RERE: variants seen among roughly 807,000 people sequenced by gnomAD.
RERE encodes the protein arginine-glutamic acid dipeptide repeats protein.
In RERE, 40 loss-of-function variants were observed where a neutral mutation model predicts 146.1. That is an observed-to-expected ratio of 0.27 (90% CI 0.21 to 0.36). The LOEUF (loss-of-function observed/expected upper bound fraction) is 0.36. Ranked by LOEUF, RERE falls within the 10% of genes least tolerant of loss-of-function variation. The pLI is 1.00. For missense variants in RERE, 1,933 were observed against 2,138.7 expected (o/e 0.90, Z 1.90); for synonymous variants, 1,003 against 866.0 (o/e 1.16, Z -2.78).
chr1:8,529,654 C>T (rs1645616933), intron 7 of RERE, among the ~76,000 whole-genome samples: 5 of 152,074 alleles, frequency 3.3e-5, no homozygotes, highest in South Asian at 2.1e-4. Flanking sequence ...CAATGAATGA[C>T]CTGCCTCCCT....
At chr1:8,731,277 G>GA (rs1031296670) in intron 1 of RERE, among the ~76,000 whole-genome samples, 10 of 152,020 alleles carry the variant, frequency 6.6e-5, no homozygotes, top group African/African-American at 2.4e-4. Context: ...GAACATCAAA[G>GA]AAAAAAATCC....
At chr1:8,455,440 A>G (rs927119298) in intron 11 of RERE, among the ~76,000 whole-genome samples, 3 of 152,060 alleles carry the variant, frequency 2.0e-5, no homozygotes, top group African/African-American at 7.2e-5. Flanking sequence ...CCATAATAGA[A>G]CATCTCAACC....
chr1:8,410,226 G>C (rs1643575289), intron 12 of RERE, among the ~76,000 whole-genome samples: 1 of 152,214 alleles, frequency 6.6e-6, no homozygotes, highest in South Asian at 2.1e-4. Flanking sequence ...CTGGCTGGGG[G>C]ACACGGCTGG....
At chr1:8,500,985 T>C (rs1645131689) in intron 8 of RERE, among the ~76,000 whole-genome samples, 1 of 121,262 alleles carries the variant, frequency 8.2e-6, no homozygotes. Flanking sequence ...AGCCACCCCG[T>C]CTGGGAAGTG....
chr1:8,380,804 T>C (rs1642419682), intron 12 of RERE: 1 of 456,602 alleles, frequency 2.2e-6, no homozygotes, highest in Non-Finnish European at 4.4e-6. Flanking sequence ...GGAGCCCCTC[T>C]GCTGATGAAG....
intron 11 of RERE, among the ~76,000 whole-genome samples, chr1:8,451,762 T>TG (rs961191708): frequency 2.9e-4 from 44 of 152,242 alleles, no homozygotes; most frequent in Non-Finnish European, 5.9e-5. Context: ...TCTGACTTGC[T>TG]GGGGTACAGG....
At chr1:8,803,194 C>T (rs183798873) in intron 1 of RERE, among the ~76,000 whole-genome samples, 42 of 152,216 alleles carry the variant, frequency 2.8e-4, no homozygotes, top group Admixed American at 9.8e-4. Flanking sequence ...AGTCACTGTT[C>T]GGCCAGGTGC....
At chr1:8,694,542 C>A (rs1230831839) in intron 1 of RERE, among the ~76,000 whole-genome samples, 3 of 152,032 alleles carry the variant, frequency 2.0e-5, no homozygotes, top group South Asian at 2.1e-4. Context: ...GGGCAGATCA[C>A]AAGGTCAGGA....
chr1:8,478,847 C>A (rs1183564849), intron 10 of RERE, among the ~76,000 whole-genome samples: 1 of 152,124 alleles, frequency 6.6e-6, no homozygotes, highest in Non-Finnish European at 1.5e-5. Context: ...GCAGGCTGGA[C>A]CCAGAGTTTT....
intron 1 of RERE, among the ~76,000 whole-genome samples, chr1:8,757,881 T>C (rs1373542412): frequency 6.7e-6 from 1 of 148,582 alleles, no homozygotes; most frequent in African/African-American, 2.5e-5. Flanking sequence ...TAAAGTCACA[T>C]ACATATGTAT....
At chr1:8,668,922 C>CTGTGTGTGTGTGTGTG in intron 1 of RERE, among the ~76,000 whole-genome samples, 1 of 76,990 alleles carries the variant, frequency 1.3e-5, no homozygotes, top group South Asian at 4.3e-4. Context: ...ATGCACTAAA[C>CTGTGTGTGTGTGTGTG]TCTGTGTGTG....
In RERE at chr1:8,675,437, T is replaced by C. The variant is rs554358961; in HGVS notation, c.-144-18996A>G. Among the ~76,000 whole-genome samples, 41 of 146,466 alleles carry C rather than the reference T, an allele frequency of 2.8e-4. 1 individual carries two copies. Among genetic ancestry groups the C allele is most frequent in the African/African-American group, 8.9e-4 (35 of 39,394 alleles). On this transcript the variant is annotated intron_variant, in intron 1 of 22. Coordinates refer to ENST00000400908, the MANE Select transcript of RERE (RefSeq NM_001042681.2). ...ACTTTGGGAGGCCAAAGTTGGCAGA[T>C]TGCTTAAGCCCAGGAGTTCAAGACC...
intron 2 of RERE, among the ~76,000 whole-genome samples, chr1:8,630,416 AAGAG>A: frequency 6.6e-6 from 1 of 152,086 alleles, no homozygotes; most frequent in Non-Finnish European, 1.5e-5. Context: ...AAAAAAAAAG[AAGAG>A]AGAGATCCTA....
intron 1 of RERE, among the ~76,000 whole-genome samples, chr1:8,713,597 G>T (rs1639710023): frequency 6.6e-6 from 1 of 152,054 alleles, no homozygotes; most frequent in South Asian, 2.1e-4. Context: ...AGCTGGGCGT[G>T]ATGGCAGGCA....
At chr1:8,526,638 TAATA>T (rs1315564353) in intron 7 of RERE, among the ~76,000 whole-genome samples, 2 of 152,232 alleles carry the variant, frequency 1.3e-5, no homozygotes, top group Non-Finnish European at 2.9e-5. Flanking sequence ...AAACTAAAAA[TAATA>T]AATAAAACAT....
intron 11 of RERE, chr1:8,425,220 A>G (rs1222868213): frequency 6.6e-6 from 1 of 152,250 alleles, no homozygotes; most frequent in Non-Finnish European, 1.5e-5. Flanking sequence ...CCATTCTTCA[A>G]GTATTCAGGT....
rs555456031 is a variant in RERE, at chr1:8,710,545, G to A, written c.-144-54104C>T. 4.6e-5 allele frequency among the ~76,000 whole-genome samples: 7 copies of A among 152,310 alleles called. No homozygotes were observed. The South Asian group carries it at 1.4e-3, about 32-fold the overall frequency. On this transcript the variant is annotated intron_variant, in intron 1 of 22. Transcript: ENST00000400908. ...TTGTTTGTTTGTTTTTTGAGACGGA[G>A]TCTCGCTGTGTCACCCAGGCTGATG...
chr1:8,654,718 C>T (rs1047069609), intron 2 of RERE, among the ~76,000 whole-genome samples: 23 of 151,586 alleles, frequency 1.5e-4, no homozygotes, highest in African/African-American at 4.6e-4. Context: ...ACTACAGCCT[C>T]GACCTCCCAG....
chr1:8,356,132 T>C lies in RERE; in HGVS notation c.4454A>G (p.His1485Arg). 3 of 1,510,496 alleles carry C rather than the reference T, an allele frequency of 2.0e-6. No individual in the cohort carries two copies. The highest frequency in any genetic ancestry group is 2.6e-6 in the Non-Finnish European group (3 of 1,133,436). 93.6% of individuals were successfully genotyped at this position (1,510,496 alleles called of 1,614,324 possible). The change falls in exon 21 of 23, where the codon CAC (histidine) becomes CGC (arginine). Residue 1485 changes from histidine to arginine, a missense_variant. Physicochemically the swap from His to Arg is conservative, Grantham distance 29. Around this residue, in one of 11 missense-constraint regions of RERE, gnomAD observed 133 missense variants for 168.6 expected, o/e 0.79. Transcript: ENST00000400908. This position sits in a 1 kb window ranked among gnomAD's most constrained non-coding sequence, Gnocchi z 5.2. ...TGGGTGGCGAAGCATCTCGTGCTCG[T>C]GTGGGGGCTGTCCAAGCAGAGGGTT... The part of the protein sequence containing the change: ...LPNPLLGQPP[H>R]EHEMLRHPVF...
Sources: allele counts gnomAD v4.1 joint callset (sites outside exome capture counted in the v4.1 genomes callset), GRCh38; gene constraint gnomAD v4.1.1; regional missense constraint gnomAD v4.1.1; non-coding constraint Gnocchi (gnomAD v3.1); transcripts MANE v1.5; gene names NCBI Gene and HGNC (gene_info 2026-07-23, HGNC 2026-07-21).